TNRC6A: variants seen among roughly 807,000 people sequenced by gnomAD.
TNRC6A encodes trinucleotide repeat containing adaptor 6A.
A neutral mutation model predicts 221.2 loss-of-function variants in TNRC6A; 44 were observed. The ratio of observed to expected loss-of-function variants is 0.20; its 90% CI spans 0.16 to 0.26. The LOEUF (loss-of-function observed/expected upper bound fraction) is 0.26. TNRC6A is among the 10% of genes least tolerant of loss of function. The probability of loss-of-function intolerance (pLI) is 1.00; values close to 1 mark genes in which losing one functional copy is unlikely to be tolerated. For synonymous variants in TNRC6A, 847 were observed against 838.5 expected, an observed-to-expected ratio of 1.01 and a Z score of -0.18; for missense variants, 2,199 against 2,404.4, an observed-to-expected ratio of 0.91 and a Z score of 1.79.
chr16:24,684,942 G>T (rs1239068016), intron 2 of TNRC6A, among the ~76,000 whole-genome samples: 1 of 152,184 alleles, frequency 6.6e-6, no homozygotes, highest in Non-Finnish European at 1.5e-5. Flanking sequence ...GGCCTGGGAA[G>T]CCCTTTTAGA....
At chr16:24,672,194 T>C (rs1211987893) in intron 2 of TNRC6A, among the ~76,000 whole-genome samples, 2 of 152,148 alleles carry the variant, frequency 1.3e-5, no homozygotes, top group Non-Finnish European at 2.9e-5. Flanking sequence ...TGATCTCGGC[T>C]CACTGCAAGC....
chr16:24,613,521 T>A (rs1596533592), intron 1 of TNRC6A, among the ~76,000 whole-genome samples: 1 of 65,896 alleles, frequency 1.5e-5, no homozygotes, highest in South Asian at 4.4e-4. Context: ...TTTATTTTAT[T>A]TTATTTTATT....
At chr16:24,799,018 G>C (rs951661072) in intron 11 of TNRC6A, among the ~76,000 whole-genome samples, 1 of 152,118 alleles carries the variant, frequency 6.6e-6, no homozygotes, top group Non-Finnish European at 1.5e-5. Flanking sequence ...GCACAGGAGA[G>C]GTGTCTCATG....
rs893197533 is a variant in TNRC6A at position 24,824,941 on chromosome 16, C to G, written c.*1134C>G. 1 of 152,458 alleles carries G rather than the reference C, an allele frequency of 6.6e-6. No homozygotes were observed. The highest frequency in any genetic ancestry group is 1.5e-5 in the Non-Finnish European group (1 of 68,004). 9.4% of individuals were successfully genotyped at this position (152,458 alleles called of 1,614,324 possible). ...TTGACATTCTGCTTTCAGATGCTGTCTTTTTATTAGTGAGTGATGATGGTT... is the reference window on the plus strand; with the variant it reads ...TTGACATTCTGCTTTCAGATGCTGTGTTTTTATTAGTGAGTGATGATGGTT... On this transcript the variant is annotated 3_prime_UTR_variant, in exon 25 of 25. Coordinates refer to ENST00000395799, the MANE Select transcript of TNRC6A (RefSeq NM_014494.4).
At chr16:24,740,267 T>A (rs967407106) in intron 2 of TNRC6A, among the ~76,000 whole-genome samples, 13 of 152,192 alleles carry the variant, frequency 8.5e-5, no homozygotes, top group Middle Eastern at 3.4e-3. Flanking sequence ...TAAAAAAAAA[T>A]TTTTTTAAAG....
chr16:24,652,040 G>A (rs1424875210), intron 2 of TNRC6A, among the ~76,000 whole-genome samples: 1 of 151,548 alleles, frequency 6.6e-6, no homozygotes, highest in East Asian at 1.9e-4. Context: ...AAGGAGAGAG[G>A]GAACTTAGAT....
At chr16:24,671,111 A>G in intron 2 of TNRC6A, 1 of 248,450 alleles carries the variant, frequency 4.0e-6, no homozygotes, top group Non-Finnish European at 8.9e-6. Context: ...ACCCACCACC[A>G]GCACCAGCAA....
Position 24,700,900 on chromosome 16 carries a change from G to A in TNRC6A, n.403-49826G>A, listed in dbSNP as rs149858081. On this transcript the variant is annotated intron_variant and non_coding_transcript_variant, in intron 2 of 2. Coordinates refer to the TNRC6A transcript ENST00000566108. ...CGCCATGGCTACCACGTGGGCTGAC[G>A]CCTTCACAGACATGTTTCTCTCGCT... Among the ~76,000 whole-genome samples, 99 of 152,308 alleles carry A rather than the reference G, an allele frequency of 6.5e-4. 2 individuals carry two copies. In the East Asian group the frequency reaches 0.017, roughly 26 times the overall value.
At chr16:24,794,165 C>T (rs1477645439) in intron 7 of TNRC6A, among the ~76,000 whole-genome samples, 2 of 152,220 alleles carry the variant, frequency 1.3e-5, no homozygotes, top group African/African-American at 2.4e-5. Context: ...TTTGAATACT[C>T]TCTGGCCATT....
At chr16:24,723,368 A>G (rs2056443630) in intron 2 of TNRC6A, among the ~76,000 whole-genome samples, 1 of 152,056 alleles carries the variant, frequency 6.6e-6, no homozygotes, top group Admixed American at 6.6e-5. Flanking sequence ...CTGAGGCAGG[A>G]GGATCACCTG....
At chr16:24,715,748 G>T (rs2056301754) in intron 2 of TNRC6A, among the ~76,000 whole-genome samples, 1 of 151,666 alleles carries the variant, frequency 6.6e-6, no homozygotes, top group African/African-American at 2.4e-5. Flanking sequence ...CTCCCAAGTA[G>T]CTGGGACTAC....
At chr16:24,792,613 C>CTTTTTTTTTTTTTTTTTTTTTTTTTTTTT (rs34670934) in intron 6 of TNRC6A, among the ~76,000 whole-genome samples, 2 of 56,514 alleles carry the variant, frequency 3.5e-5, no homozygotes, top group Non-Finnish European at 2.9e-5. Flanking sequence ...ACATTTATGG[C>CTTTTTTTTTTTTTTTTTTTTTTTTTTTTT]TTTTTTTTTT....
chr16:24,775,139 C>T (rs2057692428), intron 4 of TNRC6A, among the ~76,000 whole-genome samples: 1 of 152,086 alleles, frequency 6.6e-6, no homozygotes. Flanking sequence ...CCAGTGTCTG[C>T]TTATTACTGC....
At chr16:24,799,701 G>A (rs1015529126) in intron 11 of TNRC6A, among the ~76,000 whole-genome samples, 5 of 152,280 alleles carry the variant, frequency 3.3e-5, no homozygotes, top group Middle Eastern at 3.4e-3. Flanking sequence ...GTAATTGCTC[G>A]TAAGCCATCA....
chr16:24,736,033 C>G (rs891659429), intron 2 of TNRC6A, among the ~76,000 whole-genome samples: 1 of 152,078 alleles, frequency 6.6e-6, no homozygotes, highest in African/African-American at 2.4e-5. Context: ...GGTGTGGTGG[C>G]ACATGCCTGT....
At chr16:24,802,754 A>G (rs926207517) in intron 11 of TNRC6A, among the ~76,000 whole-genome samples, 1 of 152,224 alleles carries the variant, frequency 6.6e-6, no homozygotes, top group African/African-American at 2.4e-5. Flanking sequence ...CCCTGAGTCT[A>G]CTTTGTCAGC....
intron 2 of TNRC6A, chr16:24,664,908 C>T (rs1362611819): frequency 8.8e-6 from 4 of 455,152 alleles, no homozygotes; most frequent in African/African-American, 2.0e-5. Flanking sequence ...TGGTGGAGAA[C>T]GGAAGTGACG....
intron 2 of TNRC6A, among the ~76,000 whole-genome samples, chr16:24,722,308 G>A (rs537500618): frequency 6.6e-6 from 1 of 152,102 alleles, no homozygotes; most frequent in East Asian, 1.9e-4. Flanking sequence ...TTGCTACTTG[G>A]GAAGCTGAGA....
Position 24,646,147 on chromosome 16 carries a change from C to A in TNRC6A, n.402+5138C>A, listed in dbSNP as rs138070278. On this transcript the variant is annotated intron_variant and non_coding_transcript_variant, in intron 2 of 2. Coordinates refer to the TNRC6A transcript ENST00000566108. ...TTTTCCAGCTAGGTCACAGGTTTTT[C>A]TTTCTTTAGAGCTTGGAATTTATCT... Among the ~76,000 whole-genome samples the A allele has an allele frequency of 8.5e-5, 13 of 152,152 alleles. No homozygotes were observed. The East Asian group carries it at 2.1e-3, about 25-fold the overall frequency.
Sources: allele counts gnomAD v4.1 joint callset (sites outside exome capture counted in the v4.1 genomes callset), GRCh38; gene constraint gnomAD v4.1.1; transcripts MANE v1.5; gene names NCBI Gene and HGNC (gene_info 2026-07-23, HGNC 2026-07-21).